The following CREM variants were observed in gnomAD, a reference collection of about 807,000 sequenced individuals.
CREM encodes cAMP-responsive element modulator.
A neutral mutation model predicts 37.3 loss-of-function variants in CREM; 13 were observed. The ratio of observed to expected loss-of-function variants is 0.35; its 90% CI spans 0.23 to 0.55. The LOEUF is 0.55. CREM is among the 20% of genes least tolerant of loss of function. The probability of loss-of-function intolerance (pLI) is 0.88; values close to 1 mark genes in which losing one functional copy is unlikely to be tolerated. For synonymous variants in CREM, 124 were observed against 120.2 expected (o/e 1.03, Z -0.21); for missense variants, 296 against 362.3 (o/e 0.82, Z 1.49).
At chr10:35,133,054 T>C (rs1254884400) in intron 1 of CREM, among the ~76,000 whole-genome samples, 3 of 152,232 alleles carry the variant, frequency 2.0e-5, no homozygotes. Context: ...TATGATACCT[T>C]TTGTTCCACA....
At chr10:35,161,542 T>C (rs1236606132) in intron 3 of CREM, among the ~76,000 whole-genome samples, 1 of 151,598 alleles carries the variant, frequency 6.6e-6, no homozygotes, top group Non-Finnish European at 1.5e-5. Context: ...TGTGCACCTG[T>C]AATCCCAGTT....
intron 3 of CREM, among the ~76,000 whole-genome samples, chr10:35,162,664 G>T (rs1307410147): frequency 1.3e-5 from 2 of 151,956 alleles, no homozygotes; most frequent in Non-Finnish European, 2.9e-5. Context: ...CCCTCTCTAG[G>T]AAGCCGCTGT....
In CREM at chr10:35,126,926, T is replaced by C. The variant is rs1004298431; in HGVS notation, c.-322T>C. On this transcript the variant is annotated 5_prime_UTR_variant, in exon 1 of 8. Transcript: ENST00000685392. Reference sequence around the variant, plus strand: ...AGCCTGGATTTTTTTCCTCGGGGCCTCCCCCGGGAGGCCGTCCCGGCGTGG... The same window carrying C: ...AGCCTGGATTTTTTTCCTCGGGGCCCCCCCCGGGAGGCCGTCCCGGCGTGG... The C allele has an allele frequency of 1.3e-5, 2 of 151,702 alleles. No individual in the cohort carries two copies. The highest frequency in any genetic ancestry group is 2.9e-5 in the Non-Finnish European group (2 of 67,910). 9.4% of individuals were successfully genotyped at this position (151,702 alleles called of 1,614,324 possible).
intron 6 of CREM, chr10:35,201,595 G>A (rs1392482416): frequency 7.3e-7 from 1 of 1,370,030 alleles, no homozygotes. Flanking sequence ...CCAAAATTGA[G>A]AGTTCTAGGA....
chr10:35,175,040 C>G (rs1210237170), intron 3 of CREM, among the ~76,000 whole-genome samples: 1 of 152,198 alleles, frequency 6.6e-6, no homozygotes, highest in Non-Finnish European at 1.5e-5. Context: ...CGGCCTATGC[C>G]TTTTTAGTTA....
At chr10:35,181,221 C>G (rs1016670354) in intron 5 of CREM, among the ~76,000 whole-genome samples, 2 of 152,156 alleles carry the variant, frequency 1.3e-5, no homozygotes, top group Non-Finnish European at 2.9e-5. Context: ...ACTCAATGAT[C>G]AGAGCAAGAA....
intron 3 of CREM, among the ~76,000 whole-genome samples, chr10:35,157,777 G>T (rs991983661): frequency 1.3e-5 from 2 of 151,936 alleles, no homozygotes; most frequent in Non-Finnish European, 1.5e-5. Flanking sequence ...ACTTTTCCCT[G>T]TTCATAGATG....
chr10:35,180,212 C>G (rs2133204032), intron 5 of CREM, among the ~76,000 whole-genome samples: 1 of 152,218 alleles, frequency 6.6e-6, no homozygotes, highest in South Asian at 2.1e-4. Flanking sequence ...TTTTAGTTTT[C>G]TGACTTTAAA....
At chr10:35,151,746 G>C (rs1175730335) in intron 3 of CREM, among the ~76,000 whole-genome samples, 1 of 152,146 alleles carries the variant, frequency 6.6e-6, no homozygotes, top group African/African-American at 2.4e-5. Context: ...AGATTAAGAA[G>C]TAATCTGTAT....
chr10:35,200,143 C>T (rs2095341260), intron 6 of CREM, among the ~76,000 whole-genome samples: 1 of 152,160 alleles, frequency 6.6e-6, no homozygotes, highest in South Asian at 2.1e-4. Flanking sequence ...CCGCCTCAGC[C>T]TCCCAAAGTG....
chr10:35,194,097 C>CAAAAAAAAAAAA (rs371978117), intron 6 of CREM, among the ~76,000 whole-genome samples: 1,599 of 25,016 alleles, frequency 0.064, 238 homozygotes, highest in Non-Finnish European at 0.083. Flanking sequence ...GACTTCATCT[C>CAAAAAAAAAAAA]AAAAAAAAAA....
chr10:35,194,737 A>G (rs574386870), intron 6 of CREM, among the ~76,000 whole-genome samples: 6 of 132,994 alleles, frequency 4.5e-5, no homozygotes, highest in African/African-American at 1.1e-4. Context: ...CTGATAGTCA[A>G]TGTGTTTTTT....
At chr10:35,182,290 T>G (rs1011220487) in intron 5 of CREM, among the ~76,000 whole-genome samples, 1 of 152,130 alleles carries the variant, frequency 6.6e-6, no homozygotes, top group Non-Finnish European at 1.5e-5. Flanking sequence ...ATGGAAACAA[T>G]TGCCAGTTTC....
At chr10:35,188,449 G>T in intron 6 of CREM, 61 bp downstream of exon 6, 2 of 1,396,342 alleles carry the variant, frequency 1.4e-6, no homozygotes, top group Non-Finnish European at 1.9e-6. Context: ...ACACCATTGA[G>T]TGGTGATTTT....
intron 5 of CREM, among the ~76,000 whole-genome samples, chr10:35,184,421 A>T (rs2094469223): frequency 6.6e-6 from 1 of 152,180 alleles, no homozygotes; most frequent in African/African-American, 2.4e-5. Flanking sequence ...GCCCACGTAA[A>T]ACCTATTTCC....
rs757049783 is a variant in CREM at position 35,211,801 on chromosome 10, T to C, written c.*403T>C. 18 of 1,603,192 alleles carry C rather than the reference T, an allele frequency of 1.1e-5. No individual in the cohort carries two copies. The highest frequency in any genetic ancestry group is 1.5e-5 in the Non-Finnish European group (18 of 1,176,400). On this transcript the variant is annotated 3_prime_UTR_variant, in exon 8 of 8. Coordinates refer to ENST00000685392, the MANE Select transcript of CREM (RefSeq NM_183011.2). ...CATTTGTTCTCCCAAAACAGATTAC[T>C]AGAAATATTTAACTATGAACTGAAG...
intron 1 of CREM, among the ~76,000 whole-genome samples, chr10:35,131,314 T>C (rs2089332704): frequency 6.6e-6 from 1 of 152,238 alleles, no homozygotes; most frequent in Non-Finnish European, 1.5e-5. Flanking sequence ...TCAGTGTCTT[T>C]AAAGTTATCT....
chr10:35,161,730 C>T (rs1044225619), intron 3 of CREM, among the ~76,000 whole-genome samples: 1 of 151,600 alleles, frequency 6.6e-6, no homozygotes, highest in Non-Finnish European at 1.5e-5. Flanking sequence ...TGAGATATCA[C>T]CTTCCTCTTG....
chr10:35,153,221 C>G (rs935343540), intron 3 of CREM, among the ~76,000 whole-genome samples: 3 of 152,108 alleles, frequency 2.0e-5, no homozygotes, highest in Non-Finnish European at 4.4e-5. Context: ...AACCACTGCA[C>G]TCCAGCCTGA....
Sources: gnomAD v4.1 joint callset for allele counts (sites outside exome capture counted in the v4.1 genomes callset) on GRCh38, gnomAD v4.1.1 for gene constraint, MANE v1.5 for transcripts, NCBI Gene and HGNC (gene_info 2026-07-23, HGNC 2026-07-21) for gene names.